ITGB8: variants seen among roughly 807,000 people sequenced by gnomAD.
ITGB8 encodes the protein integrin beta-8.
A neutral mutation model predicts 89.5 loss-of-function variants in ITGB8; 30 were observed. The observed-to-expected ratio is 0.34, with a 90% CI of 0.25 to 0.45. The LOEUF (loss-of-function observed/expected upper bound fraction) is 0.45, where lower values mean the gene tolerates loss of function less well. Among genes scored for constraint, ITGB8 ranks in the 20% least tolerant of loss-of-function variants. The pLI is 1.00. For missense variants in ITGB8, 836 were observed against 933.3 expected, an observed-to-expected ratio of 0.90 and a Z score of 1.36; for synonymous variants, 335 against 320.4, an observed-to-expected ratio of 1.05 and a Z score of -0.49.
chr7:20,401,441 T>G (rs1346900540), intron 9 of ITGB8, among the ~76,000 whole-genome samples: 1 of 152,136 alleles, frequency 6.6e-6, no homozygotes, highest in East Asian at 1.9e-4. Flanking sequence ...AGTGATGGGG[T>G]AGATGCTTCA....
intron 1 of ITGB8, among the ~76,000 whole-genome samples, chr7:20,359,719 CACTG>C (rs557883850): frequency 4.5e-4 from 68 of 152,030 alleles, no homozygotes; most frequent in Non-Finnish European, 3.7e-4. Context: ...TCCTAGCACA[CACTG>C]ACTAATAGCA....
Position 20,331,545 on chromosome 7 carries a change from G to A in ITGB8, c.-262G>A. The A allele has an allele frequency of 2.2e-6, 1 of 446,380 alleles. No homozygotes were observed. The highest frequency in any genetic ancestry group is 3.9e-6 in the Non-Finnish European group (1 of 258,078). 27.7% of individuals were successfully genotyped at this position (446,380 alleles called of 1,614,324 possible). A position where few individuals can be genotyped will look rare whatever the true frequency, so the allele number is the denominator to read the frequency against. ...CTCTCCAGTCGCCGCCGGGGCCCTTGGCCGTCGAAGGAGGTGCTTCTCGCG... is the reference window on the plus strand; with the variant it reads ...CTCTCCAGTCGCCGCCGGGGCCCTTAGCCGTCGAAGGAGGTGCTTCTCGCG... On this transcript the variant is annotated 5_prime_UTR_variant, in exon 1 of 14. Transcript: ENST00000222573.
rs748819731 is a variant in ITGB8, at chr7:20,379,039, C to T, written c.389-12C>T. 2 of 1,561,934 alleles carry T rather than the reference C, an allele frequency of 1.3e-6. No individual in the cohort carries two copies. Among genetic ancestry groups the T allele is most frequent in the East Asian group, 4.5e-5 (2 of 43,974 alleles). ...ATGAAGACTACATGATGTTTTTCTT[C>T]TATTGAACTAGGAGCCGAAGCTAAT... On this transcript the variant is annotated splice_polypyrimidine_tract_variant and intron_variant, in intron 3 of 13. Transcript: ENST00000222573.
At chr7:20,353,431 T>C (rs1367791167) in intron 1 of ITGB8, 5 of 152,200 alleles carry the variant, frequency 3.3e-5, no homozygotes, top group South Asian at 2.1e-4. Context: ...AGTCAGGGGA[T>C]ACTCACCTTT....
rs1562683262 is a variant in ITGB8 at position 20,380,714 on chromosome 7, G to A, written c.684G>A (p.Leu228=). 6.2e-7 allele frequency: 1 copy of A among 1,613,558 alleles called. No homozygotes were observed. The part of the protein sequence containing the change: ...CMPPHGYIHV[L]SLTENITEFE... ...CTCCCCATGGATACATCCATGTGCT[G>A]TCTTTGACAGAGAACATCACTGAGT... The change falls in exon 5 of 14, where the codon CTG becomes CTA. Residue 228 remains leucine, a synonymous_variant. Transcript: ENST00000222573.
intron 9 of ITGB8, 179 bp downstream of exon 9, chr7:20,399,173 G>T (rs1787207332): frequency 1.7e-6 from 1 of 601,382 alleles, no homozygotes; most frequent in Non-Finnish European, 2.8e-6. Context: ...TAGCTCAGCT[G>T]ATTGTTCTCT....
At chr7:20,345,174 T>C (rs1784881586) in intron 1 of ITGB8, among the ~76,000 whole-genome samples, 1 of 152,164 alleles carries the variant, frequency 6.6e-6, no homozygotes, top group African/African-American at 2.4e-5. Context: ...ATGAACAATA[T>C]ATCATCTGCC....
At chr7:20,370,932 T>C (rs1310880187) in intron 3 of ITGB8, among the ~76,000 whole-genome samples, 1 of 152,158 alleles carries the variant, frequency 6.6e-6, no homozygotes, top group African/African-American at 2.4e-5. Context: ...TACATCACTT[T>C]AGGGGATGCC....
chr7:20,380,561 AAAG>A, intron 4 of ITGB8, 102 bp from the exon 5 acceptor site: 6 of 907,500 alleles, frequency 6.6e-6, no homozygotes, highest in Non-Finnish European at 1.0e-5. Context: ...CCCTGGCACA[AAAG>A]AAGTACTCCC....
At position 20,402,034 on chromosome 7, in the gene ITGB8, C is replaced by A; in HGVS notation, c.1595C>A (p.Ser532Ter). Residue 532 changes from serine (S) to a stop codon, truncating the protein, a stop_gained, in exon 10 of 14, where the codon TCA becomes TAA. Coordinates refer to ENST00000222573, the MANE Select transcript of ITGB8 (RefSeq NM_002214.3). LOFTEE classifies it high-confidence loss of function. ...GRGVCVCGKCSCHKIKLGKVY... is the reference protein window; with the variant it reads ...GRGVCVCGKC Reference sequence around the variant, plus strand: ...GGAGTTTGTGTTTGTGGGAAATGTTCATGTCACAAAATTAAGCTTGGAAAA... The same window carrying A: ...GGAGTTTGTGTTTGTGGGAAATGTTAATGTCACAAAATTAAGCTTGGAAAA... 6.2e-7 allele frequency: 1 copy of A among 1,614,062 alleles called. No individual in the cohort carries two copies. Among genetic ancestry groups the A allele is most frequent in the South Asian group, 1.1e-5 (1 of 91,050 alleles).
At chr7:20,336,057 G>A (rs1337668177) in intron 1 of ITGB8, among the ~76,000 whole-genome samples, 7 of 142,092 alleles carry the variant, frequency 4.9e-5, no homozygotes, top group African/African-American at 1.9e-4. Context: ...CCAGGCTGGA[G>A]TGCAGTGGTG....
At chr7:20,346,778 C>A (rs1784939814) in intron 1 of ITGB8, 1 of 985,168 alleles carries the variant, frequency 1.0e-6, no homozygotes, top group African/African-American at 1.7e-5. Context: ...CTGAAGGGGG[C>A]TCCACAGGCA....
Position 20,335,642 on chromosome 7 carries a change from G to A in ITGB8, c.127+3709G>A, listed in dbSNP as rs535726683. On this transcript the variant is annotated intron_variant, in intron 1 of 13. Transcript: ENST00000222573. ...CCTTTTGCTATAAGTCCTTGAAAGA[G>A]TTGTCCGTAACTCCTCTCTCCGATT... 5.3e-5 allele frequency among the ~76,000 whole-genome samples: 8 copies of A among 152,278 alleles called. No homozygotes were observed. The East Asian group carries it at 1.3e-3, about 26-fold the overall frequency.
intron 12 of ITGB8, among the ~76,000 whole-genome samples, chr7:20,406,994 A>G (rs1787569543): frequency 6.6e-6 from 1 of 152,218 alleles, no homozygotes; most frequent in South Asian, 2.1e-4. Flanking sequence ...CTGAAACATG[A>G]AAGCAAATAT....
At chr7:20,406,651 C>T (rs1409507293) in intron 12 of ITGB8, among the ~76,000 whole-genome samples, 1 of 152,024 alleles carries the variant, frequency 6.6e-6, no homozygotes, top group Non-Finnish European at 1.5e-5. Context: ...TCATCTTCTA[C>T]CTTAGATACT....
intron 6 of ITGB8, among the ~76,000 whole-genome samples, chr7:20,387,269 A>G (rs1786663339): frequency 6.6e-6 from 1 of 152,216 alleles, no homozygotes; most frequent in Non-Finnish European, 1.5e-5. Context: ...CTGGAATCAC[A>G]CACCCTTATA....
chr7:20,348,585 A>G (rs1309728268), intron 1 of ITGB8, among the ~76,000 whole-genome samples: 1 of 152,196 alleles, frequency 6.6e-6, no homozygotes, highest in Non-Finnish European at 1.5e-5. Context: ...TCCTGGCCCC[A>G]GAGATTCCTA....
chr7:20,388,883 G>A (rs1342854144), intron 6 of ITGB8, among the ~76,000 whole-genome samples: 4 of 152,036 alleles, frequency 2.6e-5, no homozygotes, highest in East Asian at 1.9e-4. Context: ...GAGAACATGC[G>A]GTGTTTGTTT....
intron 1 of ITGB8, among the ~76,000 whole-genome samples, chr7:20,335,790 C>T (rs1235095570): frequency 1.3e-5 from 2 of 152,066 alleles, no homozygotes; most frequent in African/African-American, 4.8e-5. Context: ...TCTTAATCTC[C>T]ATCCTGCTTG....
Sources: allele counts gnomAD v4.1 joint callset (sites outside exome capture counted in the v4.1 genomes callset), GRCh38; gene constraint gnomAD v4.1.1; transcripts MANE v1.5; gene names NCBI Gene and HGNC (gene_info 2026-07-23, HGNC 2026-07-21).